The following LRCH1 variants were observed in gnomAD, a reference collection of about 807,000 sequenced individuals.
The protein encoded by LRCH1 is leucine-rich repeat and calponin homology domain-containing protein 1.
Under a neutral mutation model 94.9 loss-of-function variants are expected in LRCH1, and 23 were observed. The observed-to-expected ratio is 0.24, with a 90% CI of 0.17 to 0.34. The LOEUF (loss-of-function observed/expected upper bound fraction) is 0.34, where lower values mean the gene tolerates loss of function less well. Ranked by LOEUF, LRCH1 falls within the 10% of genes least tolerant of loss-of-function variation. LRCH1 has a pLI of 1.00. For missense variants in LRCH1, 790 were observed against 945.9 expected, an observed-to-expected ratio of 0.84 and a Z score of 2.16; for synonymous variants, 364 against 354.9, an observed-to-expected ratio of 1.03 and a Z score of -0.29.
chr13:46,572,251 T>C (rs1199446343), intron 1 of LRCH1, among the ~76,000 whole-genome samples: 1 of 152,216 alleles, frequency 6.6e-6, no homozygotes, highest in Non-Finnish European at 1.5e-5. Flanking sequence ...GGGAGGACTT[T>C]GGTTCTCTTT....
At chr13:46,740,138 G>A (rs1435516088) in intron 19 of LRCH1, among the ~76,000 whole-genome samples, 1 of 152,080 alleles carries the variant, frequency 6.6e-6, no homozygotes, top group Non-Finnish European at 1.5e-5. Flanking sequence ...AATTCTTATT[G>A]CAATAGAAAA....
rs569092997 is a variant in LRCH1, at chr13:46,694,839, T to A, written c.1121-54T>A. 41 of 1,586,202 alleles carry A rather than the reference T, an allele frequency of 2.6e-5. 1 individual carries two copies. In the African/African-American group the frequency reaches 5.1e-4, roughly 20 times the overall value. On this transcript the variant is annotated intron_variant, in intron 8 of 19. Transcript: ENST00000389797. Reference sequence around the variant, plus strand: ...ATCATATTTGAAGATCAGCTGTGTTTTGCTCTTCTGTTCATGAAATCATGC... The same window carrying A: ...ATCATATTTGAAGATCAGCTGTGTTATGCTCTTCTGTTCATGAAATCATGC...
intron 1 of LRCH1, among the ~76,000 whole-genome samples, chr13:46,630,290 G>A (rs2051002871): frequency 6.6e-6 from 1 of 152,182 alleles, no homozygotes. Flanking sequence ...GTTCCTTCCT[G>A]TGACAGTTGA....
chr13:46,569,316 A>G (rs1372563274), intron 1 of LRCH1, among the ~76,000 whole-genome samples: 1 of 152,182 alleles, frequency 6.6e-6, no homozygotes, highest in African/African-American at 2.4e-5. Flanking sequence ...GCCTAATAAT[A>G]GGTATCATTT....
chr13:46,651,907 A>C, intron 2 of LRCH1, among the ~76,000 whole-genome samples: 1 of 135,618 alleles, frequency 7.4e-6, no homozygotes, highest in Non-Finnish European at 1.6e-5. Flanking sequence ...GTTTGTTTTG[A>C]GACGGAGTCT....
At chr13:46,572,041 G>A (rs1323304954) in intron 1 of LRCH1, among the ~76,000 whole-genome samples, 4 of 152,142 alleles carry the variant, frequency 2.6e-5, no homozygotes, top group African/African-American at 7.2e-5. Context: ...TGCTGGGGAC[G>A]TGCATCTGTC....
chr13:46,720,569 T>A (rs1872549319), intron 16 of LRCH1, among the ~76,000 whole-genome samples: 1 of 152,202 alleles, frequency 6.6e-6, no homozygotes, highest in South Asian at 2.1e-4. Flanking sequence ...TGGCCTCAAG[T>A]TAAATTTTAT....
chr13:46,672,768 A>G lies in LRCH1; in HGVS notation c.579+3612A>G, dbSNP rs528938526. On this transcript the variant is annotated intron_variant, in intron 3 of 19. Transcript: ENST00000389797. ...TTCTTGTGTCTTTTCTCCACCAGCA[A>G]TAACTGCTGAACCCACAGGTTCTAG... Among the ~76,000 whole-genome samples the G allele has an allele frequency of 2.6e-5, 4 of 152,302 alleles. No individual in the cohort carries two copies. The South Asian group carries it at 8.3e-4, about 32-fold the overall frequency.
At chr13:46,686,083 C>T (rs1870598600) in intron 5 of LRCH1, 42 bp downstream of exon 5, 8 of 1,427,552 alleles carry the variant, frequency 5.6e-6, no homozygotes, top group African/African-American at 2.9e-5. Flanking sequence ...ATGGGATGTG[C>T]TGTTATAGGA....
chr13:46,681,603 G>T (rs2051751360), intron 3 of LRCH1, 138 bp from the exon 4 acceptor site: 4 of 686,880 alleles, frequency 5.8e-6, no homozygotes, highest in Non-Finnish European at 1.1e-5. Flanking sequence ...GAGTCTTAAT[G>T]CTAGGGACCT....
intron 1 of LRCH1, 109 bp from the exon 2 acceptor site, chr13:46,650,089 GATA>G (rs2051273091): frequency 4.5e-6 from 3 of 672,304 alleles, no homozygotes; most frequent in Non-Finnish European, 7.1e-6. Context: ...AAAAAAAAAT[GATA>G]ATGTTGGTCA....
chr13:46,725,089 C>A (rs571833478), intron 17 of LRCH1, among the ~76,000 whole-genome samples: 22 of 152,232 alleles, frequency 1.4e-4, no homozygotes, highest in South Asian at 8.3e-4. Flanking sequence ...CTATCCTAAG[C>A]AAATTAATAC....
At chr13:46,647,360 T>C (rs908992890) in intron 1 of LRCH1, among the ~76,000 whole-genome samples, 1 of 152,196 alleles carries the variant, frequency 6.6e-6, no homozygotes, top group African/African-American at 2.4e-5. Flanking sequence ...TTTGTGTCAC[T>C]CTAATTTGAG....
chr13:46,742,529 G>A lies in LRCH1; in HGVS notation c.*681G>A, dbSNP rs138039003. 3.3e-3 allele frequency: 3,252 copies of A among 985,026 alleles called. 7 individuals carry two copies. The highest frequency in any genetic ancestry group is 6.6e-3 in the Admixed American group (107 of 16,300). The allele number at this position is 985,026 out of a possible 1,614,324, so 61.0% of individuals were successfully genotyped here. ...GCCCCTCTGTCCTATGCAGAAGGGCGCTCAAGGGAAGGAAGTGTCGTTGCT... is the reference window on the plus strand; with the variant it reads ...GCCCCTCTGTCCTATGCAGAAGGGCACTCAAGGGAAGGAAGTGTCGTTGCT... On this transcript the variant is annotated 3_prime_UTR_variant, in exon 20 of 20. Coordinates refer to ENST00000389797, the MANE Select transcript of LRCH1 (RefSeq NM_001164211.2).
At chr13:46,626,521 A>G (rs1414068139) in intron 1 of LRCH1, among the ~76,000 whole-genome samples, 1 of 151,992 alleles carries the variant, frequency 6.6e-6, no homozygotes, top group Non-Finnish European at 1.5e-5. Context: ...TGTGAGATCC[A>G]CTCCTGCCCG....
At chr13:46,707,287 G>A (rs1309300196) in intron 13 of LRCH1, among the ~76,000 whole-genome samples, 1 of 152,014 alleles carries the variant, frequency 6.6e-6, no homozygotes, top group East Asian at 1.9e-4. Flanking sequence ...TCCTCATTTT[G>A]TGTCTGTCTA....
intron 18 of LRCH1, among the ~76,000 whole-genome samples, chr13:46,732,929 C>T (rs944053593): frequency 1.5e-4 from 23 of 152,336 alleles, no homozygotes; most frequent in African/African-American, 5.5e-4. Flanking sequence ...ATTTATTTAG[C>T]TTTCAACTTA....
chr13:46,693,616 A>G (rs60294709), intron 8 of LRCH1, among the ~76,000 whole-genome samples: 2,025 of 152,306 alleles, frequency 0.013, 34 homozygotes, highest in African/African-American at 0.044. Flanking sequence ...AGGTAATACC[A>G]AAGGTCCAGT....
At chr13:46,567,492 TTGTGTGTGTGTGTGTGTGTGTG>T (rs35848521) in intron 1 of LRCH1, among the ~76,000 whole-genome samples, 5 of 141,956 alleles carry the variant, frequency 3.5e-5, no homozygotes, top group African/African-American at 5.4e-5. Context: ...TAAGGCAATT[TTGTGTGTGTGTGTGTGTGTGTG>T]TGTGTGTGTG....
Sources: allele counts gnomAD v4.1 joint callset (sites outside exome capture counted in the v4.1 genomes callset), GRCh38; gene constraint gnomAD v4.1.1; transcripts MANE v1.5; gene names NCBI Gene and HGNC (gene_info 2026-07-23, HGNC 2026-07-21).